KCNMA1: variants seen among roughly 807,000 people sequenced by gnomAD.
KCNMA1 encodes potassium calcium-activated channel subfamily M alpha 1, also known as Calcium-activated potassium channel subunit alpha-1.
KCNMA1 carries 29 observed loss-of-function variants against 140.0 expected under a neutral mutation model. That is an observed-to-expected ratio of 0.21 (90% CI 0.15 to 0.28). The LOEUF (loss-of-function observed/expected upper bound fraction) is 0.28. Among genes scored for constraint, KCNMA1 ranks in the 10% least tolerant of loss-of-function variants. The probability of loss-of-function intolerance (pLI) is 1.00; values close to 1 mark genes in which losing one functional copy is unlikely to be tolerated. For missense variants in KCNMA1, 880 were observed against 1,602.2 expected (o/e 0.55, Z 7.70); for synonymous variants, 612 against 611.9 (o/e 1.00, Z 0.00).
chr10:76,959,693 T>C (rs1300598378), intron 20 of KCNMA1, among the ~76,000 whole-genome samples: 2 of 152,192 alleles, frequency 1.3e-5, no homozygotes, highest in African/African-American at 4.8e-5. Context: ...GATATAGAGC[T>C]ACTGCTATTA....
At chr10:76,948,740 GGC>G (rs1374432263) in intron 22 of KCNMA1, among the ~76,000 whole-genome samples, 1 of 152,176 alleles carries the variant, frequency 6.6e-6, no homozygotes, top group Non-Finnish European at 1.5e-5. Flanking sequence ...AACAGAAGGT[GGC>G]ACAGATCAAT....
chr10:76,873,677 C>G (rs2031811391), downstream of KCNMA1: 1 of 152,162 alleles, frequency 6.6e-6, no homozygotes, highest in Admixed American at 6.5e-5. Flanking sequence ...TCTACTTAGT[C>G]TCCTAGGAGT....
At chr10:77,030,279 G>A (rs1356049515) in intron 15 of KCNMA1, among the ~76,000 whole-genome samples, 5 of 152,130 alleles carry the variant, frequency 3.3e-5, no homozygotes, top group African/African-American at 1.2e-4. Flanking sequence ...AACTACAGCT[G>A]GAAAATGCCA....
intron 3 of KCNMA1, among the ~76,000 whole-genome samples, chr10:77,224,587 T>C (rs1472315832): frequency 1.3e-5 from 2 of 152,120 alleles, no homozygotes; most frequent in East Asian, 1.9e-4. Flanking sequence ...AGGACCCCAC[T>C]CAGGCACCAG....
intron 1 of KCNMA1, among the ~76,000 whole-genome samples, chr10:77,600,443 G>T (rs938937732): frequency 6.6e-6 from 1 of 152,140 alleles, no homozygotes; most frequent in African/African-American, 2.4e-5. Flanking sequence ...ACACAGAGAA[G>T]TTGCTACAAA....
chr10:76,982,830 C>T (rs963103031), intron 19 of KCNMA1, among the ~76,000 whole-genome samples: 18 of 152,196 alleles, frequency 1.2e-4, no homozygotes, highest in African/African-American at 4.1e-4. Flanking sequence ...GTAAGAAACA[C>T]ACATTCATGC....
intron 1 of KCNMA1, among the ~76,000 whole-genome samples, chr10:77,404,350 C>T (rs1010358255): frequency 6.6e-6 from 1 of 152,094 alleles, no homozygotes; most frequent in Non-Finnish European, 1.5e-5. Flanking sequence ...GCAATCTCGG[C>T]TCTCTGCAAC....
intron 2 of KCNMA1, among the ~76,000 whole-genome samples, chr10:77,331,351 G>A (rs76160536): frequency 0.012 from 1,810 of 152,172 alleles, 36 homozygotes; most frequent in African/African-American, 0.042. Flanking sequence ...GCAACCATGG[G>A]TCAGTGAAAC....
At chr10:77,340,820 C>A (rs548636498) in intron 2 of KCNMA1, among the ~76,000 whole-genome samples, 2 of 151,592 alleles carry the variant, frequency 1.3e-5, no homozygotes, top group African/African-American at 4.9e-5. Context: ...ATGTAACAAA[C>A]CTGCATGTTG....
intron 18 of KCNMA1, among the ~76,000 whole-genome samples, chr10:77,006,482 C>T (rs185714329): frequency 2.6e-5 from 4 of 152,246 alleles, no homozygotes; most frequent in East Asian, 3.9e-4. Flanking sequence ...TAAGGTGAGG[C>T]CTTTGATGTG....
intron 3 of KCNMA1, among the ~76,000 whole-genome samples, chr10:77,242,154 A>C (rs934092313): frequency 2.6e-5 from 4 of 152,222 alleles, no homozygotes; most frequent in Non-Finnish European, 4.4e-5. Context: ...AGTTTCAAAA[A>C]GATGGAGTGG....
intron 23 of KCNMA1, among the ~76,000 whole-genome samples, chr10:76,940,786 C>T (rs921187032): frequency 2.6e-5 from 4 of 151,728 alleles, no homozygotes; most frequent in African/African-American, 9.7e-5. Flanking sequence ...CATAGTGAAA[C>T]TCTGTCTCTA....
chr10:77,390,889 A>C (rs2095797958), intron 2 of KCNMA1, among the ~76,000 whole-genome samples: 1 of 152,130 alleles, frequency 6.6e-6, no homozygotes, highest in African/African-American at 2.4e-5. Context: ...GTGTAAGCAA[A>C]GGCTGCATCT....
intron 1 of KCNMA1, chr10:77,634,240 A>G (rs2093503985): frequency 1.0e-6 from 1 of 985,310 alleles, no homozygotes; most frequent in African/African-American, 1.7e-5. Flanking sequence ...TCCCACAAGG[A>G]AAAAAACAAT....
intron 5 of KCNMA1, among the ~76,000 whole-genome samples, chr10:77,163,468 A>G (rs1757581812): frequency 6.6e-6 from 1 of 152,116 alleles, no homozygotes; most frequent in African/African-American, 2.4e-5. Context: ...AACCCTTATC[A>G]TTTGTCATTC....
intron 5 of KCNMA1, among the ~76,000 whole-genome samples, chr10:77,124,930 A>C (rs1392590764): frequency 6.6e-6 from 1 of 152,224 alleles, no homozygotes; most frequent in Non-Finnish European, 1.5e-5. Flanking sequence ...GGAAACTTAC[A>C]GTCATGGCAG....
At chr10:76,933,022 G>C (rs892048508) in intron 23 of KCNMA1, among the ~76,000 whole-genome samples, 1 of 152,166 alleles carries the variant, frequency 6.6e-6, no homozygotes, top group Admixed American at 6.6e-5. Flanking sequence ...ATTAGTAAAG[G>C]TTAAGGGAAT....
chr10:77,240,431 G>A (rs2056975092), intron 3 of KCNMA1, among the ~76,000 whole-genome samples: 1 of 152,178 alleles, frequency 6.6e-6, no homozygotes, highest in African/African-American at 2.4e-5. Flanking sequence ...CCATCTTAGA[G>A]AGAGAAGGGG....
At chr10:77,212,026 A>G (rs1209215547) in intron 3 of KCNMA1, among the ~76,000 whole-genome samples, 1 of 152,244 alleles carries the variant, frequency 6.6e-6, no homozygotes, top group African/African-American at 2.4e-5. Flanking sequence ...GCCAATGTGG[A>G]AAGCAGTTTG....
Sources: allele counts gnomAD v4.1 joint callset (sites outside exome capture counted in the v4.1 genomes callset), GRCh38; gene constraint gnomAD v4.1.1; transcripts MANE v1.5; gene names NCBI Gene and HGNC (gene_info 2026-07-23, HGNC 2026-07-21).